Variants in TMEM132C observed in about 807,000 individuals in gnomAD.
TMEM132C encodes protein phosphatase 1, regulatory subunit 152.
A neutral mutation model predicts 61.4 loss-of-function variants in TMEM132C; 29 were observed. The observed-to-expected ratio is 0.47, with a 90% CI of 0.35 to 0.64. TMEM132C has a LOEUF of 0.64. TMEM132C is among the 30% of genes least tolerant of loss of function. TMEM132C has a pLI of 0.00. For synonymous variants in TMEM132C, 656 were observed against 633.1 expected (o/e 1.04, Z -0.54); for missense variants, 1,408 against 1,476.9 (o/e 0.95, Z 0.76).
intron 1 of TMEM132C, among the ~76,000 whole-genome samples, chr12:128,336,008 A>G (rs1872783981): frequency 6.6e-6 from 1 of 152,190 alleles, no homozygotes; most frequent in African/African-American, 2.4e-5. Context: ...ATGGAAAGAA[A>G]AGTTTTATTT....
At chr12:128,372,735 T>C (rs1321319208) in intron 1 of TMEM132C, among the ~76,000 whole-genome samples, 1 of 152,208 alleles carries the variant, frequency 6.6e-6, no homozygotes, top group African/African-American at 2.4e-5. Context: ...GAAAGCTTTG[T>C]AAACAGAAAG....
At chr12:128,285,877 A>C (rs1349824652) in intron 1 of TMEM132C, among the ~76,000 whole-genome samples, 11 of 26,150 alleles carry the variant, frequency 4.2e-4, no homozygotes, top group Admixed American at 1.5e-3. Flanking sequence ...CTCTCTCCCC[A>C]TCTCTATCCC....
intron 4 of TMEM132C, among the ~76,000 whole-genome samples, chr12:128,655,198 G>A (rs1382667193): frequency 6.6e-6 from 1 of 152,152 alleles, no homozygotes; most frequent in African/African-American, 2.4e-5. Context: ...GCTGCCCTTC[G>A]CAAGCCGGCG....
intron 2 of TMEM132C, among the ~76,000 whole-genome samples, chr12:128,482,121 C>G (rs138491872): frequency 6.6e-6 from 1 of 152,090 alleles, no homozygotes; most frequent in East Asian, 1.9e-4. Context: ...TGAATTTTAT[C>G]GAAGGCCTTT....
intron 1 of TMEM132C, among the ~76,000 whole-genome samples, chr12:128,411,925 C>G (rs184107105): frequency 9.7e-4 from 147 of 152,284 alleles, no homozygotes; most frequent in African/African-American, 3.4e-3. Context: ...AGACACCAGG[C>G]TCCCGGGTTC....
intron 2 of TMEM132C, among the ~76,000 whole-genome samples, chr12:128,494,914 C>T (rs1053611768): frequency 6.6e-6 from 1 of 151,372 alleles, no homozygotes; most frequent in Non-Finnish European, 1.5e-5. Flanking sequence ...TCTTGCTTCT[C>T]TAGTTCTTTT....
rs59086773 is a variant in TMEM132C at position 128,394,907 on chromosome 12, C to CAAAAAAAA, written c.86-19817_86-19810dup. On this transcript the variant is annotated intron_variant, in intron 1 of 8. Coordinates refer to ENST00000435159, the MANE Select transcript of TMEM132C (RefSeq NM_001136103.3). ...TGTGAGTACACTCTCCCTTATTTTC[C>CAAAAAAAA]AAAAAAAAAAAAAAATCTAGTAAAG... is the stretch of plus-strand genomic sequence containing the variant. Among the ~76,000 whole-genome samples the CAAAAAAAA allele has an allele frequency of 3.4e-3, 450 of 132,046 alleles. 5 individuals carry two copies. Among genetic ancestry groups the CAAAAAAAA allele is most frequent in the South Asian group, 5.4e-3 (22 of 4,084 alleles). 86.6% of individuals were successfully genotyped at this position (132,046 alleles called of 152,430 possible).
chr12:128,603,562 T>G (rs1876283347), intron 3 of TMEM132C, among the ~76,000 whole-genome samples: 1 of 152,172 alleles, frequency 6.6e-6, no homozygotes, highest in South Asian at 2.1e-4. Context: ...GGCGGAGGGC[T>G]TGGTGAGTAT....
rs1868694262 is a variant in TMEM132C, at chr12:128,414,760, C to T, written c.114C>T (p.Asn38=). Residue 38 remains asparagine (N), a synonymous_variant, in exon 2 of 9, where the codon AAC becomes AAT. Coordinates refer to ENST00000435159, the MANE Select transcript of TMEM132C (RefSeq NM_001136103.3). ...KVIEGHGVTD[N]IQRFSSLPPY... is the part of the protein sequence containing the mutation. ...TAGAGGGTCACGGGGTCACAGACAA[C>T]ATACAGAGATTCTCCTCACTGCCAC... The T allele has an allele frequency of 6.5e-7, 1 of 1,537,194 alleles. No individual in the cohort carries two copies. Among genetic ancestry groups the T allele is most frequent in the South Asian group, 1.2e-5 (1 of 83,928 alleles).
chr12:128,324,331 C>A (rs532384966), intron 1 of TMEM132C, among the ~76,000 whole-genome samples: 2 of 152,166 alleles, frequency 1.3e-5, no homozygotes. Flanking sequence ...TCTCCACCGG[C>A]CTAAAAGGAG....
intron 1 of TMEM132C, among the ~76,000 whole-genome samples, chr12:128,317,989 CA>C (rs1434861485): frequency 6.6e-6 from 1 of 152,092 alleles, no homozygotes; most frequent in Non-Finnish European, 1.5e-5. Context: ...GAGAAGACAT[CA>C]AAAATATAGA....
intron 2 of TMEM132C, among the ~76,000 whole-genome samples, chr12:128,529,629 CA>C (rs1242161134): frequency 3.3e-5 from 5 of 151,846 alleles, no homozygotes; most frequent in Non-Finnish European, 5.9e-5. Context: ...ACTAAAAATA[CA>C]AAAAAATTAG....
At chr12:128,492,607 A>G (rs1871780042) in intron 2 of TMEM132C, among the ~76,000 whole-genome samples, 1 of 152,124 alleles carries the variant, frequency 6.6e-6, no homozygotes, top group Non-Finnish European at 1.5e-5. Flanking sequence ...GCCAGTGATG[A>G]TGAGCATTTT....
At chr12:128,290,033 A>G (rs1205462437) in intron 1 of TMEM132C, among the ~76,000 whole-genome samples, 1 of 152,126 alleles carries the variant, frequency 6.6e-6, no homozygotes, top group Non-Finnish European at 1.5e-5. Flanking sequence ...CTATAATGTG[A>G]AAAAAGGGCT....
intron 1 of TMEM132C, among the ~76,000 whole-genome samples, chr12:128,353,677 G>A (rs1170230400): frequency 6.6e-6 from 1 of 152,184 alleles, no homozygotes. Flanking sequence ...GAGAGCACAG[G>A]AGGAGGCAGC....
At chr12:128,508,468 G>C (rs1360719144) in intron 2 of TMEM132C, among the ~76,000 whole-genome samples, 2 of 152,228 alleles carry the variant, frequency 1.3e-5, no homozygotes, top group Non-Finnish European at 2.9e-5. Context: ...TCCTGGTAAT[G>C]ATAGATGCAG....
intron 2 of TMEM132C, among the ~76,000 whole-genome samples, chr12:128,512,030 G>T (rs1397299974): frequency 6.6e-6 from 1 of 152,000 alleles, no homozygotes; most frequent in Non-Finnish European, 1.5e-5. Flanking sequence ...CACAACCCAA[G>T]GCCCCTCGAG....
chr12:128,509,603 A>G (rs1872506206), intron 2 of TMEM132C, among the ~76,000 whole-genome samples: 1 of 152,100 alleles, frequency 6.6e-6, no homozygotes. Context: ...CTGAGATTCT[A>G]TTTGCCTTCC....
chr12:128,470,899 T>C (rs971116011), intron 2 of TMEM132C, among the ~76,000 whole-genome samples: 14 of 152,344 alleles, frequency 9.2e-5, no homozygotes, highest in African/African-American at 2.6e-4. Flanking sequence ...GGCAGGCTGC[T>C]TTTGGCCCAT....
Sources: allele counts gnomAD v4.1 joint callset (sites outside exome capture counted in the v4.1 genomes callset), GRCh38; gene constraint gnomAD v4.1.1; transcripts MANE v1.5; gene names NCBI Gene and HGNC (gene_info 2026-07-23, HGNC 2026-07-21).